YAF2: variants seen among roughly 807,000 people sequenced by gnomAD.
YAF2 encodes YY1-associated factor 2.
A neutral mutation model predicts 20.1 loss-of-function variants in YAF2; 7 were observed. That is an observed-to-expected ratio of 0.35 (90% confidence interval 0.20 to 0.65). YAF2 has a LOEUF of 0.65. YAF2 is among the 30% of genes least tolerant of loss of function. The pLI, the probability that YAF2 is intolerant of heterozygous loss-of-function variation, is 0.69. For missense variants in YAF2, 151 were observed against 219.2 expected (o/e 0.69, Z 1.96); for synonymous variants, 74 against 76.0 (o/e 0.97, Z 0.14).
At chr12:42,228,034 T>C (rs529964984) in intron 2 of YAF2, among the ~76,000 whole-genome samples, 4,824 of 60,264 alleles carry the variant, frequency 0.08, 165 homozygotes, top group South Asian at 0.095. Context: ...GGGTCAGCCC[T>C]CCGCCCGGCC....
At chr12:42,225,732 T>G (rs1333078172) in intron 2 of YAF2, among the ~76,000 whole-genome samples, 3 of 152,224 alleles carry the variant, frequency 2.0e-5, no homozygotes, top group African/African-American at 7.2e-5. Flanking sequence ...GTTCTATCGG[T>G]CTATATGTCT....
chr12:42,204,653 A>C (rs904271161), intron 2 of YAF2, among the ~76,000 whole-genome samples: 1 of 152,246 alleles, frequency 6.6e-6, no homozygotes, highest in Non-Finnish European at 1.5e-5. Context: ...CAAAAAGTGC[A>C]AAACAATACA....
chr12:42,237,902 C>T, intron 1 of YAF2, 178 bp from the exon 2 acceptor site: 1 of 564,570 alleles, frequency 1.8e-6, no homozygotes, highest in African/African-American at 2.1e-5. Context: ...AGAGGCAGGG[C>T]GCGAGCGCGG....
At chr12:42,162,057 C>A (rs760241916) in intron 2 of YAF2, among the ~76,000 whole-genome samples, 11 of 151,340 alleles carry the variant, frequency 7.3e-5, no homozygotes, top group Non-Finnish European at 1.3e-4. Flanking sequence ...AAATGTATAT[C>A]AAAAAAAATG....
In YAF2 at chr12:42,235,489, T is replaced by C. The variant is rs116351272; in HGVS notation, c.152+2110A>G. The stretch of plus-strand genomic sequence containing the variant: ...TTCTACCCTGAATTTCAGAAACCAC[T>C]AGGAAAATAACAGATAACAGAGAAA... On this transcript the variant is annotated intron_variant, in intron 2 of 3. Transcript: ENST00000534854. 1,021 of 1,240,008 alleles carry C rather than the reference T, an allele frequency of 8.2e-4. 7 individuals carry two copies. The African/African-American group carries it at 0.015, about 18-fold the overall frequency. The allele number at this position is 1,240,008 out of a possible 1,614,324, so 76.8% of individuals were successfully genotyped here.
chr12:42,222,341 C>CA (rs1214169963), intron 2 of YAF2, among the ~76,000 whole-genome samples: 3 of 151,952 alleles, frequency 2.0e-5, no homozygotes, highest in Admixed American at 1.3e-4. Flanking sequence ...GAGAAATAAG[C>CA]AAAAAAACCT....
chr12:42,173,098 C>A (rs953868342), intron 2 of YAF2, among the ~76,000 whole-genome samples: 1 of 151,926 alleles, frequency 6.6e-6, no homozygotes, highest in African/African-American at 2.4e-5. Context: ...AGTAAAAATT[C>A]TTCTAAATAC....
At chr12:42,171,642 T>A (rs1473697598) in intron 2 of YAF2, among the ~76,000 whole-genome samples, 1 of 152,186 alleles carries the variant, frequency 6.6e-6, no homozygotes, top group African/African-American at 2.4e-5. Flanking sequence ...TAACTCCTGA[T>A]CATTTTCTCA....
rs556566923 is a variant in YAF2 at position 42,182,412 on chromosome 12, A to G, written c.153-20647T>C. Among the ~76,000 whole-genome samples, 7 of 152,348 alleles carry G rather than the reference A, an allele frequency of 4.6e-5. No homozygotes were observed. The East Asian group carries it at 1.3e-3, about 29-fold the overall frequency. On this transcript the variant is annotated intron_variant, in intron 2 of 3. Coordinates refer to ENST00000534854, the MANE Select transcript of YAF2 (RefSeq NM_005748.6). The stretch of plus-strand genomic sequence containing the variant: ...ATCAGCTTGTTATGTAATTACAGAC[A>G]ATCTATTTGAGAAAGACGTGAACAA...
chr12:42,173,407 C>T (rs1317675983), intron 2 of YAF2, among the ~76,000 whole-genome samples: 2 of 152,198 alleles, frequency 1.3e-5, no homozygotes, highest in South Asian at 2.1e-4. Context: ...AGATTACTTA[C>T]ATCATTTCTA....
chr12:42,203,600 T>C (rs539252561), intron 2 of YAF2, among the ~76,000 whole-genome samples: 2 of 152,316 alleles, frequency 1.3e-5, no homozygotes, highest in African/African-American at 4.8e-5. Context: ...AAAACTTTAA[T>C]GGGTATTGAG....
At chr12:42,173,428 G>T (rs1322160392) in intron 2 of YAF2, among the ~76,000 whole-genome samples, 1 of 152,128 alleles carries the variant, frequency 6.6e-6, no homozygotes, top group Non-Finnish European at 1.5e-5. Flanking sequence ...TAAAAACTAG[G>T]TTAAAGTTTT....
At chr12:42,191,052 C>CTTATA (rs2137099771) in intron 2 of YAF2, among the ~76,000 whole-genome samples, 1 of 152,022 alleles carries the variant, frequency 6.6e-6, no homozygotes, top group Non-Finnish European at 1.5e-5. Flanking sequence ...TTACATCAGC[C>CTTATA]TTATATATCA....
chr12:42,223,246 T>C (rs572242299), intron 2 of YAF2, among the ~76,000 whole-genome samples: 28 of 152,264 alleles, frequency 1.8e-4, no homozygotes, highest in African/African-American at 6.5e-4. Context: ...AGCGCCAGCA[T>C]ACTATGTAGG....
chr12:42,200,733 T>C (rs940382416), intron 2 of YAF2, among the ~76,000 whole-genome samples: 1 of 152,170 alleles, frequency 6.6e-6, no homozygotes, highest in African/African-American at 2.4e-5. Context: ...ATTGTACACA[T>C]CATTCTGAAA....
chr12:42,217,158 A>G (rs1199192789), intron 2 of YAF2, among the ~76,000 whole-genome samples: 1 of 152,258 alleles, frequency 6.6e-6, no homozygotes, highest in Admixed American at 6.5e-5. Flanking sequence ...ATCATACATT[A>G]TACTGATGGT....
At chr12:42,209,924 G>A (rs920850453) in intron 2 of YAF2, among the ~76,000 whole-genome samples, 13 of 152,054 alleles carry the variant, frequency 8.5e-5, no homozygotes, top group South Asian at 4.1e-4. Context: ...TCAGCCTCCC[G>A]AATAGCTGGG....
chr12:42,210,439 T>C (rs1260483010), intron 2 of YAF2: 2 of 1,534,464 alleles, frequency 1.3e-6, no homozygotes, highest in East Asian at 2.4e-5. Context: ...ATCTTCCTGA[T>C]GGGCATCCAC....
At chr12:42,203,786 C>T in intron 2 of YAF2, among the ~76,000 whole-genome samples, 1 of 152,114 alleles carries the variant, frequency 6.6e-6, no homozygotes, top group East Asian at 1.9e-4. Flanking sequence ...TCTTTCCATT[C>T]TAGATTTAAA....
Sources: allele counts gnomAD v4.1 joint callset (sites outside exome capture counted in the v4.1 genomes callset), GRCh38; gene constraint gnomAD v4.1.1; transcripts MANE v1.5; gene names NCBI Gene and HGNC (gene_info 2026-07-23, HGNC 2026-07-21).